PTGES: variants seen among roughly 807,000 people sequenced by gnomAD.
The protein encoded by PTGES is prostaglandin E synthase.
In PTGES, 3 loss-of-function variants were observed where a neutral mutation model predicts 11.8. The observed-to-expected ratio is 0.25, with a 90% CI of 0.12 to 0.66. The LOEUF is 0.66. PTGES is among the 30% of genes least tolerant of loss of function. The pLI, the probability that PTGES is intolerant of heterozygous loss-of-function variation, is 0.82. For synonymous variants in PTGES, 94 were observed against 90.4 expected, an observed-to-expected ratio of 1.04 and a Z score of -0.22; for missense variants, 180 against 213.0, an observed-to-expected ratio of 0.85 and a Z score of 0.96.
intron 2 of PTGES, among the ~76,000 whole-genome samples, chr9:129,748,346 C>T (rs1833067832): frequency 6.6e-6 from 1 of 152,052 alleles, no homozygotes; most frequent in Non-Finnish European, 1.5e-5. Context: ...GATGCATGGC[C>T]ATTGGCAGGA....
chr9:129,745,624 A>G lies in PTGES; in HGVS notation c.209+3031T>C, dbSNP rs1833041661. Among the ~76,000 whole-genome samples, 1 of 152,196 alleles carries G rather than the reference A, an allele frequency of 6.6e-6. No homozygotes were observed. ...CAGGTCTGACTTGGGCCCAGTATAC[A>G]GTCGGCTTCCAGTAAGTCCTCACCA... On this transcript the variant is annotated intron_variant, in intron 2 of 2. Coordinates refer to ENST00000340607, the MANE Select transcript of PTGES (RefSeq NM_004878.5). This position sits in a 1 kb window ranked among gnomAD's most constrained non-coding sequence, Gnocchi z 4.2.
Position 129,752,761 on chromosome 9 carries a change from G to A in PTGES, c.126+126C>T, listed in dbSNP as rs911167955. ...GGCAGGAAGCCCCCCGGCGGGGCTG[G>A]AAGAGGTGCTCACCTCCCAGCCCTG... On this transcript the variant is annotated intron_variant, in intron 1 of 2. Coordinates refer to ENST00000340607, the MANE Select transcript of PTGES (RefSeq NM_004878.5). 2.1e-6 allele frequency: 3 copies of A among 1,443,562 alleles called. No individual in the cohort carries two copies. In the African/African-American group the frequency reaches 4.2e-5, roughly 20 times the overall value. The allele number at this position is 1,443,562 out of a possible 1,614,324, so 89.4% of individuals were successfully genotyped here.
At position 129,739,957 on chromosome 9, in the gene PTGES, T is replaced by C. The variant is rs1231746758; in HGVS notation, c.210-97A>G. ...GGAAGCTGGGGGTGCTTTGACCCAC[T>C]GGGGGTCATTTCAGGCATATCACAC... On this transcript the variant is annotated intron_variant, in intron 2 of 2. Coordinates refer to ENST00000340607, the MANE Select transcript of PTGES (RefSeq NM_004878.5). This position sits in a 1 kb window ranked among gnomAD's most constrained non-coding sequence, Gnocchi z 5.7. 10 of 1,403,000 alleles carry C rather than the reference T, an allele frequency of 7.1e-6. No homozygotes were observed. The African/African-American group carries it at 1.4e-4, about 20-fold the overall frequency. The allele number at this position is 1,403,000 out of a possible 1,614,324, so 86.9% of individuals were successfully genotyped here.
At position 129,752,993 on chromosome 9, in the gene PTGES, A is replaced by T. The variant is rs45499692; in HGVS notation, c.20T>A (p.Val7Glu). The T allele has an allele frequency of 1.2e-3, 1,932 of 1,607,706 alleles. 24 individuals carry two copies. The African/African-American group carries it at 0.022, about 19-fold the overall frequency. Residue 7 changes from valine (V) to glutamate (E), a missense_variant, in exon 1 of 3, where the codon GTG (valine) becomes GAG (glutamate). Coordinates refer to ENST00000340607, the MANE Select transcript of PTGES (RefSeq NM_004878.5). ...GGCCGGGAGGGCCGGGCTGCTCATC[A>T]CCAGGCTGTGGGCAGGCATCTCTGG... MPAHSL[V>E]MSSPALPAFL...
rs138261335 is a variant in PTGES, at chr9:129,742,410, C to A, written c.210-2550G>T. On this transcript the variant is annotated intron_variant, in intron 2 of 2. Coordinates refer to ENST00000340607, the MANE Select transcript of PTGES (RefSeq NM_004878.5). The stretch of plus-strand genomic sequence containing the variant: ...CAATTGAGCTGTGGGTACCCACATC[C>A]CCCTACAGGCTGATTAGAGGGACAC... Among the ~76,000 whole-genome samples, 295 of 151,986 alleles carry A rather than the reference C, an allele frequency of 1.9e-3. 3 individuals carry two copies. Among genetic ancestry groups the A allele is most frequent in the African/African-American group, 6.5e-3 (270 of 41,450 alleles).
chr9:129,742,328 C>CAAAAAAAAAAAAAAAA (rs1194614585), intron 2 of PTGES, among the ~76,000 whole-genome samples: 1 of 51,112 alleles, frequency 2.0e-5, no homozygotes, highest in Non-Finnish European at 4.3e-5. Context: ...GACTCTGTCT[C>CAAAAAAAAAAAAAAAA]AAAAAAAAAA....
In PTGES at chr9:129,739,876, G is replaced by A. The variant is rs776463880; in HGVS notation, c.210-16C>T. On this transcript the variant is annotated splice_polypyrimidine_tract_variant and intron_variant, in intron 2 of 2. Coordinates refer to ENST00000340607, the MANE Select transcript of PTGES (RefSeq NM_004878.5). The surrounding 1 kb of genome is among the most constrained non-coding windows in gnomAD (Gnocchi z 5.7). ...CCGGTGGGCCCTGGGGAGACAAGAG[G>A]GGTGCGGTCAGCCAGGTATTAGCTT... 34 of 1,560,584 alleles carry A rather than the reference G, an allele frequency of 2.2e-5. No homozygotes were observed. The South Asian group carries it at 4.0e-4, about 18-fold the overall frequency.
chr9:129,751,343 T>TAAA (rs34989168), intron 1 of PTGES, among the ~76,000 whole-genome samples: 16 of 103,338 alleles, frequency 1.5e-4, no homozygotes, highest in African/African-American at 5.5e-4. Flanking sequence ...AAATAATAAT[T>TAAA]AAAAAAAAAA....
chr9:129,743,252 C>A (rs574371683), intron 2 of PTGES, among the ~76,000 whole-genome samples: 36 of 152,174 alleles, frequency 2.4e-4, no homozygotes, highest in Non-Finnish European at 4.1e-4. Flanking sequence ...AGGGGCCCCT[C>A]CGAGGCCGCA....
chr9:129,749,870 G>T (rs57276998), intron 1 of PTGES, among the ~76,000 whole-genome samples: 114 of 152,246 alleles, frequency 7.5e-4, no homozygotes, highest in African/African-American at 2.6e-3. Flanking sequence ...GGTCATCAGG[G>T]GTCCTGGCAG....
intron 2 of PTGES, among the ~76,000 whole-genome samples, chr9:129,741,387 T>G (rs1179821111): frequency 1.3e-5 from 2 of 152,166 alleles, no homozygotes; most frequent in Non-Finnish European, 2.9e-5. Flanking sequence ...GGCCTAGATC[T>G]TTCTCAGGCC....
intron 1 of PTGES, among the ~76,000 whole-genome samples, chr9:129,751,278 G>A (rs1169239564): frequency 3.3e-5 from 5 of 150,030 alleles, no homozygotes; most frequent in Admixed American, 6.7e-5. Flanking sequence ...AGCTATGATC[G>A]CACAATTGCA....
chr9:129,743,879 C>T lies in PTGES; in HGVS notation c.210-4019G>A, dbSNP rs1444304143. On this transcript the variant is annotated intron_variant, in intron 2 of 2. Coordinates refer to ENST00000340607, the MANE Select transcript of PTGES (RefSeq NM_004878.5). ...AGATCTTTTTTTTGAGACAGAGTCT[C>T]GCTCTGTGCCCCAGGCTGGAGTGCA... Among the ~76,000 whole-genome samples, 5 of 152,228 alleles carry T rather than the reference C, an allele frequency of 3.3e-5. No individual in the cohort carries two copies. The South Asian group carries it at 6.2e-4, about 19-fold the overall frequency.
At chr9:129,752,827 G>A in intron 1 of PTGES, 60 bp downstream of exon 1, 1 of 1,612,346 alleles carries the variant, frequency 6.2e-7, no homozygotes, top group South Asian at 1.1e-5. Context: ...GGGCTTTCCT[G>A]ACAGGACGTG....
chr9:129,751,353 A>G (rs1833105567), intron 1 of PTGES, among the ~76,000 whole-genome samples: 1 of 150,918 alleles, frequency 6.6e-6, no homozygotes. Context: ...TAAAAAAAAA[A>G]AAAAAAAAGG....
intron 2 of PTGES, among the ~76,000 whole-genome samples, chr9:129,741,128 TG>T (rs1832990585): frequency 6.6e-6 from 1 of 151,506 alleles, no homozygotes; most frequent in Non-Finnish European, 1.5e-5. Context: ...GTGCCTGGGG[TG>T]GGGGTGGGCA....
chr9:129,752,744 G>GCC (rs1319896795), intron 1 of PTGES, 143 bp downstream of exon 1: 4 of 1,269,882 alleles, frequency 3.1e-6, no homozygotes, highest in Non-Finnish European at 3.4e-6. Flanking sequence ...CTGGCAGGAA[G>GCC]CCCCCCGGCG....
At chr9:129,742,986 A>G (rs1833013452) in intron 2 of PTGES, among the ~76,000 whole-genome samples, 1 of 152,210 alleles carries the variant, frequency 6.6e-6, no homozygotes, top group Admixed American at 6.5e-5. Context: ...AAGTTGGGGA[A>G]CACAGGGTGG....
chr9:129,747,694 A>G lies in PTGES; in HGVS notation c.209+961T>C, dbSNP rs1055382163. Among the ~76,000 whole-genome samples, 8 of 152,076 alleles carry G rather than the reference A, an allele frequency of 5.3e-5. No individual in the cohort carries two copies. The East Asian group carries it at 1.5e-3, about 29-fold the overall frequency. On this transcript the variant is annotated intron_variant, in intron 2 of 2. Coordinates refer to ENST00000340607, the MANE Select transcript of PTGES (RefSeq NM_004878.5). ...TGTTGCATCCTGCGGTTTTACTCAC[A>G]CATACCCATAAAGGCAAATGAAAAA...
Sources: allele counts gnomAD v4.1 joint callset (sites outside exome capture counted in the v4.1 genomes callset), GRCh38; gene constraint gnomAD v4.1.1; non-coding constraint Gnocchi (gnomAD v3.1); transcripts MANE v1.5; gene names NCBI Gene and HGNC (gene_info 2026-07-23, HGNC 2026-07-21).